SLC17A1: variants seen among roughly 807,000 people sequenced by gnomAD.
The protein encoded by SLC17A1 is sodium-dependent phosphate transport protein 1.
A neutral mutation model predicts 53.5 loss-of-function variants in SLC17A1; 51 were observed. The observed-to-expected ratio is 0.95, with a 90% CI of 0.76 to 1.20. The LOEUF (loss-of-function observed/expected upper bound fraction) is 1.20. SLC17A1 is among the 50% of genes most tolerant of loss of function. SLC17A1 has a pLI of 0.00. For missense variants in SLC17A1, 538 were observed against 568.2 expected (o/e 0.95, Z 0.54); for synonymous variants, 179 against 198.8 (o/e 0.90, Z 0.84).
chr6:25,773,472 G>T, the SLC17A1 span: 2 of 1,612,912 alleles, frequency 1.2e-6, no homozygotes, highest in East Asian at 4.5e-5. Context: ...AGAGAGAGCT[G>T]CCTTCTGACG....
At chr6:25,797,148 A>C (rs1039017632) in intron 12 of SLC17A1, among the ~76,000 whole-genome samples, 2 of 152,226 alleles carry the variant, frequency 1.3e-5, no homozygotes, top group Non-Finnish European at 2.9e-5. Context: ...CAAACAAAAA[A>C]CAAACAAACA....
intron 1 of SLC17A1, among the ~76,000 whole-genome samples, chr6:25,831,773 T>A (rs1399222601): frequency 6.6e-6 from 1 of 152,020 alleles, no homozygotes; most frequent in Non-Finnish European, 1.5e-5. Context: ...AACACATACT[T>A]CTCTTTCCTT....
chr6:25,779,256 T>G, downstream of SLC17A1: 1 of 1,589,786 alleles, frequency 6.3e-7, no homozygotes, highest in Non-Finnish European at 8.6e-7. Context: ...GACATTTCTC[T>G]TTCATGCCTG....
downstream of SLC17A1, among the ~76,000 whole-genome samples, chr6:25,782,102 AG>A (rs916793161): frequency 6.6e-6 from 1 of 152,230 alleles, no homozygotes; most frequent in African/African-American, 2.4e-5. Flanking sequence ...AGATGGTGTG[AG>A]GACAGCTCCT....
At chr6:25,829,756 A>T (rs896565479) in intron 2 of SLC17A1, among the ~76,000 whole-genome samples, 4 of 152,184 alleles carry the variant, frequency 2.6e-5, no homozygotes, top group Middle Eastern at 3.2e-3. Context: ...TGCATCTGTA[A>T]ATATATTTAT....
chr6:25,800,745 C>T, intron 11 of SLC17A1, 145 bp downstream of exon 11: 2 of 592,928 alleles, frequency 3.4e-6, no homozygotes, highest in Non-Finnish European at 6.1e-6. Context: ...GGAGAGATGC[C>T]TGATTTGACC....
chr6:25,723,912 TG>T, the SLC17A1 span, among the ~76,000 whole-genome samples: 3 of 152,194 alleles, frequency 2.0e-5, no homozygotes, highest in African/African-American at 7.2e-5. Flanking sequence ...ATGATTTTTC[TG>T]CCTACCTGGA....
At chr6:25,751,976 A>G in the SLC17A1 span, among the ~76,000 whole-genome samples, 1 of 152,244 alleles carries the variant, frequency 6.6e-6, no homozygotes, top group Non-Finnish European at 1.5e-5. Context: ...TATGCCTTAT[A>G]GTAGATACAA....
At chr6:25,763,410 T>C in the SLC17A1 span, among the ~76,000 whole-genome samples, 2 of 152,256 alleles carry the variant, frequency 1.3e-5, no homozygotes, top group African/African-American at 4.8e-5. Flanking sequence ...TTCTCACAAA[T>C]GCTTAGGAAT....
the SLC17A1 span, among the ~76,000 whole-genome samples, chr6:25,771,544 A>G: frequency 4.0e-5 from 6 of 151,892 alleles, no homozygotes. Flanking sequence ...ACTGCACTCC[A>G]GCCTGTGTGA....
At chr6:25,771,709 T>C in the SLC17A1 span, among the ~76,000 whole-genome samples, 30 of 152,324 alleles carry the variant, frequency 2.0e-4, 1 homozygote, top group South Asian at 4.1e-3. Context: ...CAATCTAATA[T>C]CATAGCTAGA....
At chr6:25,800,323 T>A (rs1763718353) in intron 11 of SLC17A1, among the ~76,000 whole-genome samples, 1 of 152,056 alleles carries the variant, frequency 6.6e-6, no homozygotes, top group African/African-American at 2.4e-5. Context: ...CTCTCTGGAA[T>A]CAGGCTATTC....
At chr6:25,791,604 T>C (rs895657150) in intron 12 of SLC17A1, among the ~76,000 whole-genome samples, 2 of 152,218 alleles carry the variant, frequency 1.3e-5, no homozygotes, top group Non-Finnish European at 2.9e-5. Flanking sequence ...AATAAACGTC[T>C]ACAGATGAAC....
At position 25,800,990 on chromosome 6, in the gene SLC17A1, A is replaced by G; in HGVS notation, c.1179-10T>C. 1 of 1,388,376 alleles carries G rather than the reference A, an allele frequency of 7.2e-7. No homozygotes were observed. Among genetic ancestry groups the G allele is most frequent in the African/African-American group, 1.4e-5 (1 of 70,656 alleles). The allele number at this position is 1,388,376 out of a possible 1,614,324, so 86.0% of individuals were successfully genotyped here. A position where few individuals can be genotyped will look rare whatever the true frequency, so the allele number is the denominator to read the frequency against. On this transcript the variant is annotated splice_polypyrimidine_tract_variant and intron_variant, in intron 10 of 12. Transcript: ENST00000244527. The stretch of plus-strand genomic sequence containing the variant: ...AATAAATCCAAAATATCTATGCATA[A>G]AAGAGTAATACACAAATGTAAAGTA...
intron 12 of SLC17A1, among the ~76,000 whole-genome samples, chr6:25,786,765 C>T (rs3799344): frequency 0.4 from 61,323 of 151,838 alleles, 12,706 homozygotes; most frequent in Middle Eastern, 0.46. Flanking sequence ...CTCTCCTGGT[C>T]ACACCTCAGG....
intron 10 of SLC17A1, among the ~76,000 whole-genome samples, chr6:25,811,176 C>T (rs1575534): frequency 0.28 from 42,243 of 151,862 alleles, 6,370 homozygotes; most frequent in African/African-American, 0.4. Context: ...ACAGTGACTA[C>T]AGTATAAAAC....
the SLC17A1 span, among the ~76,000 whole-genome samples, chr6:25,744,634 T>G: frequency 1.3e-5 from 2 of 152,168 alleles, no homozygotes; most frequent in Non-Finnish European, 2.9e-5. Context: ...ATGTCAATAC[T>G]ATCTGAATTG....
the SLC17A1 span, chr6:25,727,021 G>C: frequency 6.2e-7 from 1 of 1,614,216 alleles, no homozygotes; most frequent in Non-Finnish European, 8.5e-7. Context: ...CGTAAGGAGA[G>C]TTATTCTATT....
At chr6:25,741,761 C>CA in the SLC17A1 span, among the ~76,000 whole-genome samples, 1 of 151,816 alleles carries the variant, frequency 6.6e-6, no homozygotes, top group Non-Finnish European at 1.5e-5. Context: ...ATTAGCCGAG[C>CA]ATGGTTGTGC....
Sources: gnomAD v4.1 joint callset for allele counts (sites outside exome capture counted in the v4.1 genomes callset) on GRCh38, gnomAD v4.1.1 for gene constraint, MANE v1.5 for transcripts, NCBI Gene and HGNC (gene_info 2026-07-23, HGNC 2026-07-21) for gene names.